The following CATSPERB variants were observed in gnomAD, a reference collection of about 807,000 sequenced individuals.
CATSPERB encodes cation channel sperm-associated auxiliary subunit beta.
A neutral mutation model predicts 128.3 loss-of-function variants in CATSPERB; 93 were observed. The ratio of observed to expected loss-of-function variants is 0.72; its 90% CI spans 0.61 to 0.86. The LOEUF is 0.86. Among genes scored for constraint, CATSPERB ranks in the 40% least tolerant of loss-of-function variants. The probability of loss-of-function intolerance (pLI) is 0.00; values close to 1 mark genes in which losing one functional copy is unlikely to be tolerated. For missense variants in CATSPERB, 1,153 were observed against 1,329.5 expected (o/e 0.87, Z 2.06); for synonymous variants, 381 against 448.8 (o/e 0.85, Z 1.91).
intron 22 of CATSPERB, among the ~76,000 whole-genome samples, chr14:91,596,425 A>G (rs1388645182): frequency 1.3e-5 from 2 of 152,100 alleles, no homozygotes; most frequent in Non-Finnish European, 2.9e-5. Context: ...GGATGGTCTC[A>G]ATCTCCTGAC....
intron 11 of CATSPERB, among the ~76,000 whole-genome samples, chr14:91,681,931 G>GA (rs1175783756): frequency 7.9e-5 from 12 of 151,854 alleles, no homozygotes; most frequent in Admixed American, 2.6e-4. Flanking sequence ...CTGTATTAAA[G>GA]AAAAAAAACA....
rs757024172 is a variant in CATSPERB at position 91,693,479 on chromosome 14, C to A, written c.617G>T (p.Gly206Val). 1.2e-6 allele frequency: 2 copies of A among 1,610,468 alleles called. No homozygotes were observed. The highest frequency in any genetic ancestry group is 2.2e-5 in the South Asian group (2 of 90,228). ...LGFIVDTIVD[G>V]VYIGITFGGF... ...ACCAAAGGTTATGCCTATGTAAACA[C>A]CTACCATGAAACAAAAGGAAAATTA... is the stretch of plus-strand genomic sequence containing the variant. The change falls in exon 8 of 27, where the codon GGT (glycine) becomes GTT (valine). Residue 206 changes from glycine to valine, a missense_variant and splice_region_variant. Coordinates refer to ENST00000256343, the MANE Select transcript of CATSPERB (RefSeq NM_024764.4).
intron 20 of CATSPERB, among the ~76,000 whole-genome samples, chr14:91,611,801 T>C (rs1460317375): frequency 6.6e-6 from 1 of 152,332 alleles, no homozygotes; most frequent in Non-Finnish European, 1.5e-5. Flanking sequence ...TCCACAATGG[T>C]AATCATTTTA....
chr14:91,665,409 A>G (rs528274374), intron 14 of CATSPERB, among the ~76,000 whole-genome samples: 6 of 152,336 alleles, frequency 3.9e-5, no homozygotes, highest in South Asian at 2.1e-4. Flanking sequence ...GGAGAAATAC[A>G]GAGAAAAAAA....
chr14:91,627,992 T>A (rs1743137), intron 17 of CATSPERB, among the ~76,000 whole-genome samples: 86,169 of 151,496 alleles, frequency 0.57, 25,195 homozygotes, highest in Admixed American at 0.65. Context: ...AAGAAAAAAA[T>A]ATATATTTAT....
chr14:91,588,259 A>G (rs1054992644), intron 24 of CATSPERB, among the ~76,000 whole-genome samples, 181 bp from the exon 25 acceptor site: 1 of 152,122 alleles, frequency 6.6e-6, no homozygotes, highest in Non-Finnish European at 1.5e-5. Context: ...ACTCCATAAC[A>G]TGACCAAGTT....
rs1397565956 is a variant in CATSPERB at position 91,704,662 on chromosome 14, T to C, written c.506A>G (p.Glu169Gly). ...TGGATATAATTTACTGATTTCACTT[T>C]CTGGAATCACATCCCCAGGAGTCCA... is the stretch of plus-strand genomic sequence containing the variant. ...LQWTPGDVIPESEISKLYPHV... is the reference protein window; with the variant it reads ...LQWTPGDVIPGSEISKLYPHV... The change falls in exon 7 of 27, where the codon GAA (glutamate) becomes GGA (glycine). Residue 169 changes from glutamate (E) to glycine (G), a missense_variant. Glu to Gly is a moderately conservative substitution (Grantham distance 98). Transcript: ENST00000256343. The C allele has an allele frequency of 6.2e-7, 1 of 1,613,890 alleles. No homozygotes were observed. The highest frequency in any genetic ancestry group is 8.5e-7 in the Non-Finnish European group (1 of 1,179,846).
chr14:91,622,553 A>T (rs958069183), intron 18 of CATSPERB, among the ~76,000 whole-genome samples: 2 of 152,172 alleles, frequency 1.3e-5, no homozygotes, highest in Non-Finnish European at 2.9e-5. Context: ...AATGAGAGGG[A>T]AGTAATCATT....
chr14:91,667,002 C>A (rs1376745934), intron 14 of CATSPERB, among the ~76,000 whole-genome samples: 1 of 152,222 alleles, frequency 6.6e-6, no homozygotes, highest in East Asian at 1.9e-4. Context: ...GCAGGTTATG[C>A]CATAGTTAGT....
chr14:91,590,834 G>A (rs1170533725), intron 23 of CATSPERB, among the ~76,000 whole-genome samples: 1 of 151,552 alleles, frequency 6.6e-6, no homozygotes, highest in African/African-American at 2.4e-5. Context: ...TGTATTTTTA[G>A]TAGAGACAGG....
intron 17 of CATSPERB, among the ~76,000 whole-genome samples, chr14:91,626,506 T>G (rs868808679): frequency 6.6e-6 from 1 of 151,952 alleles, no homozygotes; most frequent in East Asian, 1.9e-4. Context: ...CACGAATGGA[T>G]GAATGCCATT....
chr14:91,650,262 T>A (rs966957762), intron 15 of CATSPERB, among the ~76,000 whole-genome samples: 1 of 151,894 alleles, frequency 6.6e-6, no homozygotes, highest in East Asian at 1.9e-4. Flanking sequence ...GCAATACATG[T>A]TGAGTTTTAT....
At chr14:91,701,089 T>C (rs972258418) in intron 7 of CATSPERB, among the ~76,000 whole-genome samples, 1 of 152,136 alleles carries the variant, frequency 6.6e-6, no homozygotes, top group African/African-American at 2.4e-5. Flanking sequence ...ATCATCCATA[T>C]GGATGGTGAA....
At chr14:91,720,120 C>A (rs1789036646) in intron 4 of CATSPERB, among the ~76,000 whole-genome samples, 2 of 151,894 alleles carry the variant, frequency 1.3e-5, no homozygotes, top group Non-Finnish European at 2.9e-5. Context: ...ATTCAAGAAG[C>A]CCAGGGAACC....
chr14:91,711,175 T>C (rs945738172), intron 5 of CATSPERB, among the ~76,000 whole-genome samples: 20 of 152,202 alleles, frequency 1.3e-4, no homozygotes, highest in African/African-American at 4.8e-4. Context: ...TGATTATATT[T>C]TCATCATGAG....
intron 4 of CATSPERB, among the ~76,000 whole-genome samples, chr14:91,721,536 C>T (rs1202413363): frequency 1.3e-5 from 2 of 152,062 alleles, no homozygotes. Context: ...TTTATACCTA[C>T]TAGGATGGTT....
intron 14 of CATSPERB, among the ~76,000 whole-genome samples, chr14:91,665,010 T>C (rs10147296): frequency 0.4 from 60,157 of 152,006 alleles, 12,086 homozygotes; most frequent in Middle Eastern, 0.54. Context: ...CCACCTCAGC[T>C]TCCTGAGTAG....
chr14:91,587,477 C>CTTTTTTTTTTTTTTTTTTTTTTTTT (rs3029803), intron 25 of CATSPERB, among the ~76,000 whole-genome samples: 4 of 101,544 alleles, frequency 3.9e-5, no homozygotes, highest in East Asian at 2.8e-4. Flanking sequence ...ATAGCTGATA[C>CTTTTTTTTTTTTTTTTTTTTTTTTT]TTTTTTTTTT....
intron 5 of CATSPERB, among the ~76,000 whole-genome samples, chr14:91,716,835 C>T (rs1207532754): frequency 1.3e-5 from 2 of 151,720 alleles, no homozygotes; most frequent in African/African-American, 2.4e-5. Flanking sequence ...TTTGGGAAAT[C>T]GTTTGACAGT....
Sources: allele counts gnomAD v4.1 joint callset (sites outside exome capture counted in the v4.1 genomes callset), GRCh38; gene constraint gnomAD v4.1.1; transcripts MANE v1.5; gene names NCBI Gene and HGNC (gene_info 2026-07-23, HGNC 2026-07-21).